SGCG: variants seen among roughly 807,000 people sequenced by gnomAD.
SGCG encodes the protein gamma-sarcoglycan.
In SGCG, 26 loss-of-function variants were observed where a neutral mutation model predicts 29.3. The ratio of observed to expected loss-of-function variants is 0.89; its 90% CI spans 0.65 to 1.23. The LOEUF (loss-of-function observed/expected upper bound fraction) is 1.23, where lower values mean the gene tolerates loss of function less well. SGCG is among the 50% of genes most tolerant of loss of function. SGCG has a pLI of 0.00. For missense variants in SGCG, 353 were observed against 356.0 expected, an observed-to-expected ratio of 0.99 and a Z score of 0.07; for synonymous variants, 145 against 129.7, an observed-to-expected ratio of 1.12 and a Z score of -0.80.
At chr13:23,193,098 G>A (rs1877342871) in intron 1 of SGCG, among the ~76,000 whole-genome samples, 1 of 152,240 alleles carries the variant, frequency 6.6e-6, no homozygotes, top group African/African-American at 2.4e-5. Context: ...GAAGGCTGAG[G>A]TCAGGAGGAC....
At chr13:23,171,658 C>T in the SGCG span, among the ~76,000 whole-genome samples, 1 of 152,162 alleles carries the variant, frequency 6.6e-6, no homozygotes, top group African/African-American at 2.4e-5. Flanking sequence ...GGGATGGTTT[C>T]AGGATGTAAC....
In SGCG at chr13:23,274,257, T is replaced by C. The variant is rs527989388; in HGVS notation, c.386-5102T>C. On this transcript the variant is annotated intron_variant, in intron 4 of 7. Coordinates refer to ENST00000218867, the MANE Select transcript of SGCG (RefSeq NM_000231.3). ...TAAGTCTCCTCATCTGTCCTCTCCG[T>C]GGCCTTCACTCACCATAATTCCTGT... is the stretch of plus-strand genomic sequence containing the variant. Among the ~76,000 whole-genome samples the C allele has an allele frequency of 9.2e-5, 14 of 152,258 alleles. No homozygotes were observed. In the East Asian group the frequency reaches 2.7e-3, roughly 29 times the overall value.
rs116283207 is a variant in SGCG, at chr13:23,272,205, C to T, written c.386-7154C>T. Among the ~76,000 whole-genome samples, 1,161 of 152,238 alleles carry T rather than the reference C, an allele frequency of 7.6e-3. 17 individuals are homozygous for T. Among genetic ancestry groups the T allele is most frequent in the African/African-American group, 0.026 (1,074 of 41,514 alleles). Reference sequence around the variant, plus strand: ...CTCCACAATGTTGAGTAGCAGTGGACAAAGTGGATATCCTTGCCTTGTTTC... The same window carrying T: ...CTCCACAATGTTGAGTAGCAGTGGATAAAGTGGATATCCTTGCCTTGTTTC... On this transcript the variant is annotated intron_variant, in intron 4 of 7. Transcript: ENST00000218867.
chr13:23,225,642 G>A (rs558392641), intron 2 of SGCG, among the ~76,000 whole-genome samples: 9 of 151,998 alleles, frequency 5.9e-5, no homozygotes, highest in Non-Finnish European at 7.4e-5. Flanking sequence ...TGCTCACCTC[G>A]TCCTTTCCTT....
At chr13:23,297,456 G>C (rs116880113) in intron 6 of SGCG, among the ~76,000 whole-genome samples, 9,331 of 152,254 alleles carry the variant, frequency 0.061, 338 homozygotes, top group South Asian at 0.098. Flanking sequence ...GGTTTCTATA[G>C]ATATTAGATT....
intron 5 of SGCG, among the ~76,000 whole-genome samples, chr13:23,286,793 A>G (rs1771068948): frequency 6.6e-6 from 1 of 152,174 alleles, no homozygotes; most frequent in Admixed American, 6.5e-5. Context: ...TCTTGTGATG[A>G]TGTGAGATGA....
chr13:23,291,061 G>A (rs948150354), intron 5 of SGCG, among the ~76,000 whole-genome samples: 5 of 152,170 alleles, frequency 3.3e-5, no homozygotes, highest in Admixed American at 1.3e-4. Context: ...CTAGGATCCA[G>A]AAGGGAAGAA....
intron 2 of SGCG, among the ~76,000 whole-genome samples, chr13:23,209,726 G>C (rs482234): frequency 0.24 from 37,244 of 152,128 alleles, 4,887 homozygotes; most frequent in Middle Eastern, 0.33. Context: ...GTTGATGTAA[G>C]GGTTCTGAGC....
intron 2 of SGCG, among the ~76,000 whole-genome samples, chr13:23,228,362 G>A (rs371569074): frequency 1.3e-5 from 2 of 152,074 alleles, no homozygotes; most frequent in South Asian, 2.1e-4. Context: ...GAAGTTTATA[G>A]ATTTATTTTT....
At chr13:23,263,257 A>C (rs1444816702) in intron 4 of SGCG, among the ~76,000 whole-genome samples, 5 of 152,068 alleles carry the variant, frequency 3.3e-5, no homozygotes, top group African/African-American at 9.7e-5. Flanking sequence ...AAGAAGAGAG[A>C]AGATTCAAAT....
At chr13:23,225,146 G>A (rs1461329650) in intron 2 of SGCG, among the ~76,000 whole-genome samples, 1 of 152,170 alleles carries the variant, frequency 6.6e-6, no homozygotes, top group Non-Finnish European at 1.5e-5. Flanking sequence ...GTGAGTGAGT[G>A]TTGGTAGGTT....
chr13:23,270,796 C>A (rs1880846845), intron 4 of SGCG, among the ~76,000 whole-genome samples: 2 of 152,104 alleles, frequency 1.3e-5, no homozygotes, highest in South Asian at 4.1e-4. Flanking sequence ...CTATGTTTTC[C>A]TGTAGTGTTT....
chr13:23,280,584 C>T (rs1238949212), intron 5 of SGCG, among the ~76,000 whole-genome samples: 3 of 152,178 alleles, frequency 2.0e-5, no homozygotes, highest in Non-Finnish European at 2.9e-5. Flanking sequence ...CAACAAAGCA[C>T]CTTAAGCATC....
chr13:23,265,111 C>T (rs779215762), intron 4 of SGCG, among the ~76,000 whole-genome samples: 1 of 152,060 alleles, frequency 6.6e-6, no homozygotes, highest in East Asian at 1.9e-4. Flanking sequence ...AATAAATACT[C>T]ATCAGAGTAA....
intron 1 of SGCG, among the ~76,000 whole-genome samples, chr13:23,185,901 G>C (rs557954720): frequency 6.6e-6 from 1 of 152,164 alleles, no homozygotes; most frequent in Non-Finnish European, 1.5e-5. Context: ...GACATAGCAC[G>C]AGTCCACCCC....
At chr13:23,305,831 T>C (rs917464347) in intron 6 of SGCG, among the ~76,000 whole-genome samples, 1 of 152,186 alleles carries the variant, frequency 6.6e-6, no homozygotes, top group African/African-American at 2.4e-5. Context: ...ATTCTGAGAA[T>C]AAATCCTACT....
chr13:23,260,236 G>A (rs1267944504), intron 4 of SGCG, among the ~76,000 whole-genome samples: 1 of 152,056 alleles, frequency 6.6e-6, no homozygotes, highest in Admixed American at 6.5e-5. Flanking sequence ...TCCTGTATTG[G>A]GTGCATATAT....
intron 4 of SGCG, among the ~76,000 whole-genome samples, chr13:23,266,454 G>C (rs1364238900): frequency 1.3e-5 from 2 of 152,022 alleles, no homozygotes; most frequent in Non-Finnish European, 2.9e-5. Context: ...ATCAAAAATC[G>C]AATGCCACAT....
intron 3 of SGCG, chr13:23,247,061 C>T: frequency 6.0e-6 from 1 of 167,014 alleles, no homozygotes; most frequent in Non-Finnish European, 1.4e-5. Flanking sequence ...AAAGCCGTTG[C>T]CAGTATGCCC....
Sources: allele counts gnomAD v4.1 joint callset (sites outside exome capture counted in the v4.1 genomes callset), GRCh38; gene constraint gnomAD v4.1.1; transcripts MANE v1.5; gene names NCBI Gene and HGNC (gene_info 2026-07-23, HGNC 2026-07-21).